PACRG: variants seen among roughly 807,000 people sequenced by gnomAD.
The protein encoded by PACRG is parkin coregulated gene protein.
A neutral mutation model predicts 29.7 loss-of-function variants in PACRG; 29 were observed. That is an observed-to-expected ratio of 0.98 (90% CI 0.73 to 1.33). PACRG has a LOEUF of 1.33. PACRG is among the 40% of genes most tolerant of loss of function. The pLI is 0.00. For missense variants in PACRG, 279 were observed against 316.2 expected (o/e 0.88, Z 0.89); for synonymous variants, 116 against 118.7 (o/e 0.98, Z 0.15).
chr6:163,055,647 G>GT lies in PACRG; in HGVS notation c.292-6497dup, dbSNP rs1810517530. ...TTATTCTATTATTTTGTTGTTATTT[G>GT]TTTTTTATTGTTTTATTTTTTCTTT... is the stretch of plus-strand genomic sequence containing the variant. On this transcript the variant is annotated intron_variant, in intron 2 of 4. Transcript: ENST00000366888. The surrounding 1 kb of genome is among the most constrained non-coding windows in gnomAD (Gnocchi z 4.0). Among the ~76,000 whole-genome samples, 1 of 152,108 alleles carries GT rather than the reference G, an allele frequency of 6.6e-6. No homozygotes were observed. The highest frequency in any genetic ancestry group is 6.5e-5 in the Admixed American group (1 of 15,272).
At chr6:163,074,360 G>T (rs977149583) in intron 3 of PACRG, among the ~76,000 whole-genome samples, 1 of 152,112 alleles carries the variant, frequency 6.6e-6, no homozygotes, top group Non-Finnish European at 1.5e-5. Context: ...TTATTTTGGG[G>T]TGCTCAAAAT....
intron 4 of PACRG, among the ~76,000 whole-genome samples, chr6:163,093,549 C>A (rs1028599024): frequency 6.6e-6 from 1 of 152,134 alleles, no homozygotes; most frequent in African/African-American, 2.4e-5. Flanking sequence ...GGCATTAAAG[C>A]TTTTACAGCT....
chr6:163,198,439 CAT>C (rs768731979), intron 4 of PACRG, among the ~76,000 whole-genome samples: 5 of 152,174 alleles, frequency 3.3e-5, no homozygotes, highest in East Asian at 1.9e-4. Context: ...CAGCACTTTA[CAT>C]GTGTGTGTGT....
At chr6:163,181,928 C>T (rs1167824774) in intron 4 of PACRG, among the ~76,000 whole-genome samples, 1 of 152,190 alleles carries the variant, frequency 6.6e-6, no homozygotes, top group African/African-American at 2.4e-5. Context: ...GAATACTATT[C>T]ACAGCAGCTT....
intron 4 of PACRG, among the ~76,000 whole-genome samples, chr6:163,300,051 G>A (rs1784928170): frequency 6.6e-6 from 1 of 152,190 alleles, no homozygotes; most frequent in African/African-American, 2.4e-5. Context: ...CGGAGGCCTT[G>A]GGCAGGTGAA....
intron 1 of PACRG, among the ~76,000 whole-genome samples, chr6:162,747,275 A>G (rs1257539279): frequency 1.4e-5 from 2 of 142,018 alleles, no homozygotes; most frequent in African/African-American, 5.2e-5. Flanking sequence ...CTAGAACAAC[A>G]TCGGACTCTA....
In PACRG at chr6:163,315,019, G is replaced by C. The variant is rs768011309; in HGVS notation, c.*32G>C. 12 of 1,603,048 alleles carry C rather than the reference G, an allele frequency of 7.5e-6. No individual in the cohort carries two copies. The highest frequency in any genetic ancestry group is 1.0e-5 in the Non-Finnish European group (12 of 1,172,610). ...CAGCAGCTGGGACTTGAAACCTCCC[G>C]TTGGTGTTGGGATCATCTGTCTCTG... On this transcript the variant is annotated 3_prime_UTR_variant, in exon 5 of 5. Coordinates refer to ENST00000366888, the MANE Select transcript of PACRG (RefSeq NM_001080379.2).
At chr6:162,781,835 G>A (rs1248276259) in intron 1 of PACRG, among the ~76,000 whole-genome samples, 2 of 151,256 alleles carry the variant, frequency 1.3e-5, no homozygotes, top group East Asian at 3.9e-4. Flanking sequence ...CCAAAGGAAG[G>A]CAAGAAAAGG....
At chr6:163,202,492 A>T (rs1183080251) in intron 4 of PACRG, among the ~76,000 whole-genome samples, 1 of 152,168 alleles carries the variant, frequency 6.6e-6, no homozygotes, top group African/African-American at 2.4e-5. Context: ...TAAATATTAT[A>T]GATTCAGATT....
At chr6:162,826,466 CTT>C (rs576332156) in intron 2 of PACRG, among the ~76,000 whole-genome samples, 9 of 138,642 alleles carry the variant, frequency 6.5e-5, no homozygotes, top group Non-Finnish European at 4.7e-5. Context: ...TTTCTTTTTT[CTT>C]TTTTTTTTTT....
intron 2 of PACRG, among the ~76,000 whole-genome samples, chr6:162,862,282 G>A (rs1006417788): frequency 3.3e-5 from 5 of 152,194 alleles, no homozygotes; most frequent in Admixed American, 1.3e-4. Context: ...GAAGGAGAAA[G>A]ACGGGCAAAG....
intron 2 of PACRG, among the ~76,000 whole-genome samples, chr6:162,927,809 GCAAACAAA>G (rs35293286): frequency 2.0e-5 from 3 of 149,764 alleles, no homozygotes; most frequent in Non-Finnish European, 2.9e-5. Flanking sequence ...AAAAAGCAAA[GCAAACAAA>G]CAAACAAACA....
At chr6:163,295,346 A>G (rs1211199773) in intron 4 of PACRG, among the ~76,000 whole-genome samples, 1 of 152,234 alleles carries the variant, frequency 6.6e-6, no homozygotes, top group Non-Finnish European at 1.5e-5. Context: ...AAGGGCGACC[A>G]TAAGGAATTT....
rs113808813 is a variant in PACRG, at chr6:163,181,319, A to G, written c.613+91911A>G. 7.9e-3 allele frequency among the ~76,000 whole-genome samples: 1,206 copies of G among 152,250 alleles called. 13 individuals are homozygous for G. The highest frequency in any genetic ancestry group is 0.027 in the African/African-American group (1,123 of 41,536). On this transcript the variant is annotated intron_variant, in intron 4 of 4. Transcript: ENST00000366888. ...CCTAGGAACTTTGACCCACACACTCAGCCCCGATCTCTGTGGCCACCTCTG... is the reference window on the plus strand; with the variant it reads ...CCTAGGAACTTTGACCCACACACTCGGCCCCGATCTCTGTGGCCACCTCTG...
At chr6:163,167,828 C>A (rs1483122964) in intron 4 of PACRG, among the ~76,000 whole-genome samples, 1 of 152,204 alleles carries the variant, frequency 6.6e-6, no homozygotes, top group Non-Finnish European at 1.5e-5. Context: ...ACCCTGCTAT[C>A]TCCTTGAAGC....
intron 1 of PACRG, among the ~76,000 whole-genome samples, chr6:162,746,157 T>C (rs1480616241): frequency 1.3e-5 from 2 of 152,138 alleles, no homozygotes; most frequent in Non-Finnish European, 2.9e-5. Flanking sequence ...CAGAGAAATA[T>C]ATTTCACAGG....
intron 4 of PACRG, among the ~76,000 whole-genome samples, chr6:163,314,329 A>G (rs1785560612): frequency 6.6e-6 from 1 of 152,212 alleles, no homozygotes; most frequent in African/African-American, 2.4e-5. Flanking sequence ...CAAGGAACTG[A>G]ACACTTGGAT....
intron 2 of PACRG, among the ~76,000 whole-genome samples, chr6:162,904,325 T>C (rs1795781945): frequency 6.6e-6 from 1 of 152,118 alleles, no homozygotes; most frequent in Non-Finnish European, 1.5e-5. Flanking sequence ...AGCCAGTGAG[T>C]CCCACAGGGC....
intron 2 of PACRG, among the ~76,000 whole-genome samples, chr6:162,895,535 C>T (rs1031659533): frequency 5.3e-5 from 8 of 152,138 alleles, no homozygotes; most frequent in Admixed American, 2.0e-4. Flanking sequence ...TATGTTTTAA[C>T]GGTTTCTTAT....
Sources: gnomAD v4.1 joint callset for allele counts (sites outside exome capture counted in the v4.1 genomes callset) on GRCh38, gnomAD v4.1.1 for gene constraint, Gnocchi (gnomAD v3.1) non-coding constraint, MANE v1.5 for transcripts, NCBI Gene and HGNC (gene_info 2026-07-23, HGNC 2026-07-21) for gene names.